IDO2: variants seen among roughly 807,000 people sequenced by gnomAD.
The protein encoded by IDO2 is indoleamine 2,3-dioxygenase 2, also known as indoleamine 2,3-dioxygenase-like 1 protein.
Under a neutral mutation model 45.1 loss-of-function variants are expected in IDO2, and 46 were observed. That is an observed-to-expected ratio of 1.02 (90% CI 0.80 to 1.30). The LOEUF is 1.30. Ranked by LOEUF, IDO2 falls within the 50% of genes most tolerant of loss-of-function variation. The probability of loss-of-function intolerance (pLI) is 0.00; values close to 1 mark genes in which losing one functional copy is unlikely to be tolerated. For missense variants in IDO2, 544 were observed against 491.8 expected, an observed-to-expected ratio of 1.11 and a Z score of -1.00; for synonymous variants, 218 against 184.9, an observed-to-expected ratio of 1.18 and a Z score of -1.45.
At chr8:39,977,613 C>G (rs1461764622) in intron 3 of IDO2, among the ~76,000 whole-genome samples, 1 of 152,154 alleles carries the variant, frequency 6.6e-6, no homozygotes. Context: ...CCCAGAAGTT[C>G]AAAGCTGCAG....
chr8:39,942,961 C>T (rs565022384), intron 1 of IDO2, among the ~76,000 whole-genome samples: 54 of 152,136 alleles, frequency 3.5e-4, no homozygotes, highest in Non-Finnish European at 6.0e-4. Context: ...AAGGAAAGAA[C>T]GAGAGGACAA....
At chr8:39,978,337 T>TG (rs1808292845) in intron 3 of IDO2, among the ~76,000 whole-genome samples, 1 of 152,134 alleles carries the variant, frequency 6.6e-6, no homozygotes, top group Non-Finnish European at 1.5e-5. Context: ...GGGAGTGGGC[T>TG]GGGGCGAGGG....
At chr8:39,982,712 C>G in exon 5 of IDO2, 1 of 1,611,846 alleles carries the variant, frequency 6.2e-7, no homozygotes, top group Non-Finnish European at 8.5e-7. Flanking sequence ...GGGGCTCCCT[C>G]CTATCCTGGT....
At chr8:39,982,709 C>T in exon 5 of IDO2, 2 of 1,611,446 alleles carry the variant, frequency 1.2e-6, no homozygotes, top group African/African-American at 1.3e-5. Flanking sequence ...CTTGGGGCTC[C>T]CTCCTATCCT....
chr8:39,944,637 C>T (rs1037810222), intron 1 of IDO2, among the ~76,000 whole-genome samples: 6 of 152,238 alleles, frequency 3.9e-5, no homozygotes, highest in Admixed American at 3.3e-4. Context: ...CCCAAAGCCC[C>T]GAGTCTATCA....
At chr8:39,949,291 G>A in intron 2 of IDO2, 27 bp downstream of exon 2, 2 of 1,520,284 alleles carry the variant, frequency 1.3e-6, no homozygotes, top group Non-Finnish European at 8.9e-7. Context: ...GGTAAGGATA[G>A]GTCAGAATAT....
chr8:39,954,193 TC>T (rs1329205768), intron 2 of IDO2, among the ~76,000 whole-genome samples: 1 of 152,206 alleles, frequency 6.6e-6, no homozygotes, highest in Non-Finnish European at 1.5e-5. Context: ...TATATTCTAG[TC>T]CTCATCTCCT....
At chr8:40,005,266 C>T in intron 8 of IDO2, 61 bp from the exon 9 acceptor site, 1 of 1,174,674 alleles carries the variant, frequency 8.5e-7, no homozygotes, top group African/African-American at 1.5e-5. Context: ...AGGGCCCATG[C>T]ACATGTAACC....
chr8:39,943,230 G>T (rs1367426230), intron 1 of IDO2, among the ~76,000 whole-genome samples: 2 of 152,018 alleles, frequency 1.3e-5, no homozygotes, highest in African/African-American at 4.8e-5. Context: ...TATTAGCTGG[G>T]TGTGGTGGTA....
intron 3 of IDO2, among the ~76,000 whole-genome samples, chr8:39,964,433 T>A (rs573700560): frequency 6.6e-6 from 1 of 152,346 alleles, no homozygotes; most frequent in East Asian, 1.9e-4. Flanking sequence ...TATAATAGCA[T>A]TCAGTATACA....
chr8:39,968,124 G>C (rs1808124578), intron 3 of IDO2, among the ~76,000 whole-genome samples: 1 of 151,574 alleles, frequency 6.6e-6, no homozygotes, highest in Non-Finnish European at 1.5e-5. Context: ...CCTTCAACCG[G>C]GGAATGAATA....
chr8:39,960,298 T>TA (rs764514483), intron 2 of IDO2, among the ~76,000 whole-genome samples: 2 of 150,672 alleles, frequency 1.3e-5, no homozygotes, highest in Non-Finnish European at 3.0e-5. Context: ...ATTGAGTCCA[T>TA]AAAAAGTGAA....
chr8:39,949,051 T>G (rs1585396494), intron 1 of IDO2, 98 bp from the exon 2 acceptor site: 2 of 1,481,062 alleles, frequency 1.4e-6, no homozygotes, highest in African/African-American at 1.4e-5. Context: ...TTCTCTCCTG[T>G]GCCTGAGACA....
At chr8:39,964,079 G>A (rs1264709630) in intron 3 of IDO2, among the ~76,000 whole-genome samples, 1 of 152,166 alleles carries the variant, frequency 6.6e-6, no homozygotes, top group Admixed American at 6.5e-5. Flanking sequence ...TTGTTACTGA[G>A]GGGGTCTAAC....
chr8:39,946,692 C>A (rs1807737267), intron 1 of IDO2, among the ~76,000 whole-genome samples: 1 of 152,184 alleles, frequency 6.6e-6, no homozygotes, highest in Admixed American at 6.5e-5. Context: ...ACTCCAGTCT[C>A]CCGCACAGCC....
chr8:39,974,773 T>C (rs1808234201), intron 3 of IDO2, among the ~76,000 whole-genome samples: 1 of 152,136 alleles, frequency 6.6e-6, no homozygotes, highest in Admixed American at 6.5e-5. Context: ...ATACAAAAAT[T>C]AGCTGGGCGT....
chr8:39,945,261 A>G (rs1187391139), intron 1 of IDO2, among the ~76,000 whole-genome samples: 1 of 152,256 alleles, frequency 6.6e-6, no homozygotes, highest in Non-Finnish European at 1.5e-5. Flanking sequence ...CCAAATATAC[A>G]TATTCAATAG....
chr8:39,956,282 C>G (rs1807889956), intron 2 of IDO2, among the ~76,000 whole-genome samples: 1 of 151,944 alleles, frequency 6.6e-6, no homozygotes, highest in Non-Finnish European at 1.5e-5. Context: ...GGCTGATCTC[C>G]AACTCCTGAC....
At chr8:39,989,574 C>T (rs1230043272) in intron 7 of IDO2, 147 bp from the exon 8 acceptor site, 2 of 578,172 alleles carry the variant, frequency 3.5e-6, no homozygotes, top group East Asian at 2.9e-5. Flanking sequence ...TCAGGCCAAC[C>T]CCACAGTGGA....
Sources: allele counts gnomAD v4.1 joint callset (sites outside exome capture counted in the v4.1 genomes callset), GRCh38; gene constraint gnomAD v4.1.1; transcripts MANE v1.5; gene names NCBI Gene and HGNC (gene_info 2026-07-23, HGNC 2026-07-21).